The following TMEFF2 variants were observed in gnomAD, a reference collection of about 807,000 sequenced individuals.
The protein encoded by TMEFF2 is tomoregulin-2.
A neutral mutation model predicts 53.8 loss-of-function variants in TMEFF2; 28 were observed. The observed-to-expected ratio is 0.52, with a 90% CI of 0.39 to 0.71. The LOEUF is 0.71. Ranked by LOEUF, TMEFF2 falls within the 30% of genes least tolerant of loss-of-function variation. TMEFF2 has a pLI of 0.00. For missense variants in TMEFF2, 353 were observed against 455.2 expected, an observed-to-expected ratio of 0.78 and a Z score of 2.04; for synonymous variants, 162 against 166.3, an observed-to-expected ratio of 0.97 and a Z score of 0.20.
intron 2 of TMEFF2, among the ~76,000 whole-genome samples, chr2:192,189,538 C>T (rs1181417440): frequency 2.5e-4 from 6 of 23,762 alleles, no homozygotes; most frequent in Admixed American, 1.0e-3. Flanking sequence ...GAGCAAGACC[C>T]TTGTCTCCAA....
At chr2:192,165,397 T>C (rs1690739275) in intron 4 of TMEFF2, among the ~76,000 whole-genome samples, 1 of 152,174 alleles carries the variant, frequency 6.6e-6, no homozygotes, top group South Asian at 2.1e-4. Context: ...CAGCAAGTAC[T>C]TAACATATGG....
At chr2:192,126,446 G>T (rs550862905) in intron 4 of TMEFF2, among the ~76,000 whole-genome samples, 1 of 152,082 alleles carries the variant, frequency 6.6e-6, no homozygotes, top group Non-Finnish European at 1.5e-5. Flanking sequence ...TTTGTATAAA[G>T]ATATTGTATG....
chr2:192,066,069 AAT>A (rs928323949), intron 4 of TMEFF2, among the ~76,000 whole-genome samples: 1 of 151,766 alleles, frequency 6.6e-6, no homozygotes, highest in Non-Finnish European at 1.5e-5. Flanking sequence ...TAGAAACCCC[AAT>A]ATGACTTTAA....
At chr2:192,050,381 T>A (rs938933503) in intron 5 of TMEFF2, among the ~76,000 whole-genome samples, 3 of 152,214 alleles carry the variant, frequency 2.0e-5, no homozygotes, top group South Asian at 2.1e-4. Context: ...CCCATTTTTT[T>A]AAATAAAAAA....
chr2:192,154,717 G>T (rs1179057712), intron 4 of TMEFF2, among the ~76,000 whole-genome samples: 1 of 151,804 alleles, frequency 6.6e-6, no homozygotes, highest in Admixed American at 6.6e-5. Context: ...GATCGCCAAG[G>T]GACTGTTTGT....
intron 7 of TMEFF2, among the ~76,000 whole-genome samples, chr2:191,971,730 A>G (rs1692644829): frequency 3.3e-5 from 5 of 152,216 alleles, no homozygotes; most frequent in Admixed American, 3.3e-4. Context: ...TACTACAGGT[A>G]TAGTATGTAC....
At chr2:191,961,554 CTTTTA>C (rs1692274490) in intron 7 of TMEFF2, among the ~76,000 whole-genome samples, 1 of 152,106 alleles carries the variant, frequency 6.6e-6, no homozygotes, top group South Asian at 2.1e-4. Context: ...AATGAAACTA[CTTTTA>C]TTTAACTAGA....
chr2:191,990,655 A>G (rs190851108), intron 7 of TMEFF2, among the ~76,000 whole-genome samples: 16 of 152,074 alleles, frequency 1.1e-4, no homozygotes, highest in Admixed American at 5.9e-4. Context: ...GCAATTGTCT[A>G]GATGTTTGAA....
chr2:191,988,668 T>TA (rs1166679787), intron 7 of TMEFF2, among the ~76,000 whole-genome samples: 2 of 152,116 alleles, frequency 1.3e-5, no homozygotes, highest in Non-Finnish European at 2.9e-5. Context: ...TTTTTTTAGC[T>TA]AAACAGACAT....
Position 192,194,671 on chromosome 2 carries a change from C to T in TMEFF2, c.-147G>A. ...TGGCACCCGGCGGGGAAGCAGCAGC[C>T]AAACCCGCGCATGATCTCGAGAGTT... On this transcript the variant is annotated 5_prime_UTR_variant, in exon 1 of 10. Transcript: ENST00000272771. This position sits in a 1 kb window ranked among gnomAD's most constrained non-coding sequence, Gnocchi z 4.2. The T allele has an allele frequency of 1.3e-6, 1 of 777,154 alleles. No individual in the cohort carries two copies. The highest frequency in any genetic ancestry group is 2.1e-6 in the Non-Finnish European group (1 of 479,972). The allele number at this position is 777,154 out of a possible 1,614,324, so 48.1% of individuals were successfully genotyped here.
At chr2:192,081,647 GTTA>G (rs1285071548) in intron 4 of TMEFF2, among the ~76,000 whole-genome samples, 4 of 151,904 alleles carry the variant, frequency 2.6e-5, no homozygotes, top group Non-Finnish European at 5.9e-5. Flanking sequence ...AACCAACTTA[GTTA>G]TTATTTTCTG....
chr2:192,049,003 T>C (rs1313019970), intron 5 of TMEFF2, among the ~76,000 whole-genome samples: 1 of 152,248 alleles, frequency 6.6e-6, no homozygotes, highest in East Asian at 1.9e-4. Flanking sequence ...ATATTTTATA[T>C]ACTGAGTGAA....
chr2:191,964,956 A>G (rs1692427882), intron 7 of TMEFF2, among the ~76,000 whole-genome samples: 1 of 152,096 alleles, frequency 6.6e-6, no homozygotes, highest in South Asian at 2.1e-4. Flanking sequence ...TTGGTCCTTC[A>G]TAGTCTACTG....
intron 7 of TMEFF2, chr2:191,992,774 A>T (rs1686137627): frequency 6.6e-6 from 1 of 152,144 alleles, no homozygotes; most frequent in Non-Finnish European, 1.5e-5. Context: ...GGAAAAATTT[A>T]AAAGCAAACA....
chr2:192,171,629 T>A (rs895610139), intron 4 of TMEFF2, among the ~76,000 whole-genome samples: 1 of 152,018 alleles, frequency 6.6e-6, no homozygotes, highest in African/African-American at 2.4e-5. Flanking sequence ...TCTTGGAATA[T>A]CCCAGACATG....
intron 7 of TMEFF2, among the ~76,000 whole-genome samples, chr2:191,964,389 T>TC (rs1692398265): frequency 7.4e-5 from 2 of 26,944 alleles, no homozygotes; most frequent in Non-Finnish European, 1.6e-4. Context: ...TTTCTTTCTT[T>TC]CTTTCTTTCT....
intron 7 of TMEFF2, among the ~76,000 whole-genome samples, chr2:191,988,017 T>G (rs189333019): frequency 6.6e-6 from 1 of 152,270 alleles, no homozygotes; most frequent in Non-Finnish European, 1.5e-5. Context: ...GTTTCCTGAG[T>G]ACGTATCAAT....
chr2:191,989,193 C>A (rs1686048478), intron 7 of TMEFF2, among the ~76,000 whole-genome samples: 1 of 152,106 alleles, frequency 6.6e-6, no homozygotes, highest in African/African-American at 2.4e-5. Context: ...CCCAGAGGAG[C>A]TCAGGCTTAA....
Position 192,172,287 on chromosome 2 carries a change from G to A in TMEFF2, c.439+7381C>T, listed in dbSNP as rs572107636. Among the ~76,000 whole-genome samples the A allele has an allele frequency of 4.0e-5, 6 of 151,586 alleles. No individual in the cohort carries two copies. The South Asian group carries it at 6.2e-4, about 16-fold the overall frequency. On this transcript the variant is annotated intron_variant, in intron 4 of 9. Coordinates refer to ENST00000272771, the MANE Select transcript of TMEFF2 (RefSeq NM_016192.4). ...TCCCTTCTGCAGATTCTGATCCTGA[G>A]AGCACAAATCCCTAAGTTTCATGTG... is the stretch of plus-strand genomic sequence containing the variant.
Sources: gnomAD v4.1 joint callset for allele counts (sites outside exome capture counted in the v4.1 genomes callset) on GRCh38, gnomAD v4.1.1 for gene constraint, Gnocchi (gnomAD v3.1) non-coding constraint, MANE v1.5 for transcripts, NCBI Gene and HGNC (gene_info 2026-07-23, HGNC 2026-07-21) for gene names.